ASPRV1: variants seen among roughly 807,000 people sequenced by gnomAD.
ASPRV1 encodes the protein retroviral-like aspartic protease 1.
In ASPRV1, 7 loss-of-function variants were observed where a neutral mutation model predicts 11.0. The ratio of observed to expected loss-of-function variants is 0.64; its 90% CI spans 0.36 to 1.20. The LOEUF (loss-of-function observed/expected upper bound fraction) is 1.20. ASPRV1 is among the 50% of genes most tolerant of loss of function. The probability of loss-of-function intolerance (pLI) is 0.02; values close to 1 mark genes in which losing one functional copy is unlikely to be tolerated. For missense variants in ASPRV1, 299 were observed against 320.0 expected, an observed-to-expected ratio of 0.93 and a Z score of 0.50; for synonymous variants, 136 against 138.4, an observed-to-expected ratio of 0.98 and a Z score of 0.12.
At chr2:70,059,290 T>G in the ASPRV1 span, among the ~76,000 whole-genome samples, 1 of 151,682 alleles carries the variant, frequency 6.6e-6, no homozygotes, top group Admixed American at 6.6e-5. Context: ...AATTGAATTT[T>G]TTTTTTAATT....
the ASPRV1 span, chr2:70,031,978 C>T: frequency 6.6e-6 from 1 of 152,154 alleles, no homozygotes; most frequent in Non-Finnish European, 1.5e-5. Context: ...AACAGAAATC[C>T]AGAGTCGTGA....
chr2:69,998,624 G>C, the ASPRV1 span, among the ~76,000 whole-genome samples: 1 of 152,058 alleles, frequency 6.6e-6, no homozygotes, highest in South Asian at 2.1e-4. Context: ...AGCTACTCAG[G>C]AGGCTGAGGC....
the ASPRV1 span, among the ~76,000 whole-genome samples, chr2:69,932,798 A>C: frequency 5.2e-5 from 8 of 152,394 alleles, no homozygotes; most frequent in African/African-American, 1.9e-4. Flanking sequence ...TCATATCTGC[A>C]TATAAACCAA....
chr2:69,967,017 A>G, the ASPRV1 span, among the ~76,000 whole-genome samples: 1 of 152,206 alleles, frequency 6.6e-6, no homozygotes, highest in Admixed American at 6.5e-5. Flanking sequence ...CACCATCCAC[A>G]CACATGTATT....
At position 69,961,191 on chromosome 2, in the gene ASPRV1, C is replaced by T; in HGVS notation, c.246G>A (p.Glu82=). Reference sequence around the variant, plus strand: ...GGACCCCAAAGGCCTTCAGGAGGGCCTCTTTCACAGTCCCATAGTCTCCCT... The same window carrying T: ...GGACCCCAAAGGCCTTCAGGAGGGCTTCTTTCACAGTCCCATAGTCTCCCT... ...QDQGDYGTVK[E]ALLKAFGVPG... Residue 82 remains glutamate, a synonymous_variant, in exon 1 of 1, where the codon GAG becomes GAA. Transcript: ENST00000320256. 6.2e-7 allele frequency: 1 copy of T among 1,613,776 alleles called. No homozygotes were observed. The highest frequency in any genetic ancestry group is 8.5e-7 in the Non-Finnish European group (1 of 1,179,760).
At chr2:69,933,589 C>T in the ASPRV1 span, among the ~76,000 whole-genome samples, 89 of 152,272 alleles carry the variant, frequency 5.8e-4, no homozygotes, top group African/African-American at 2.0e-3. Flanking sequence ...CCTTAGAGCA[C>T]CCTTGGAGAG....
the ASPRV1 span, among the ~76,000 whole-genome samples, chr2:70,005,823 A>AT: frequency 3.5e-4 from 54 of 152,284 alleles, no homozygotes; most frequent in East Asian, 0.01. Flanking sequence ...CTCATTGTTT[A>AT]TAAAAAGCTT....
At chr2:70,029,808 T>TCC in the ASPRV1 span, among the ~76,000 whole-genome samples, 1 of 151,672 alleles carries the variant, frequency 6.6e-6, no homozygotes, top group Non-Finnish European at 1.5e-5. Context: ...CAAGGACCCC[T>TCC]CCCTAGAGGA....
chr2:69,948,083 CAAA>C, the ASPRV1 span, among the ~76,000 whole-genome samples: 1 of 137,970 alleles, frequency 7.2e-6, no homozygotes, highest in Non-Finnish European at 1.6e-5. Context: ...CCCCGTCTCT[CAAA>C]AAAAAAAAAA....
chr2:69,961,684 C>A, upstream of ASPRV1: 1 of 1,537,372 alleles, frequency 6.5e-7, no homozygotes, highest in Non-Finnish European at 8.8e-7. Flanking sequence ...CCCTGGGCTC[C>A]CCATTCTCCT....
chr2:70,045,444 T>C, the ASPRV1 span: 1 of 152,220 alleles, frequency 6.6e-6, no homozygotes, highest in Non-Finnish European at 1.5e-5. Context: ...TCCATCTAAA[T>C]TATCATGTAC....
At chr2:70,074,198 CTAAGCAGGTGT>C in the ASPRV1 span, among the ~76,000 whole-genome samples, 4 of 147,552 alleles carry the variant, frequency 2.7e-5, no homozygotes, top group African/African-American at 5.0e-5. Flanking sequence ...ACTCAAGGAG[CTAAGCAGGTGT>C]TAAGCAGGTG....
chr2:70,070,768 A>C, the ASPRV1 span: 2 of 130,718 alleles, frequency 1.5e-5, no homozygotes, highest in Non-Finnish European at 3.0e-5. Flanking sequence ...TGGGTGACAG[A>C]GTGAGACTCC....
chr2:69,958,127 C>A (rs1677981509), downstream of ASPRV1, among the ~76,000 whole-genome samples: 1 of 152,204 alleles, frequency 6.6e-6, no homozygotes, highest in Non-Finnish European at 1.5e-5. Context: ...TGATACCTGA[C>A]TTCCCAGAGA....
chr2:70,029,814 G>A, the ASPRV1 span, among the ~76,000 whole-genome samples: 2 of 152,104 alleles, frequency 1.3e-5, no homozygotes, highest in Non-Finnish European at 2.9e-5. Context: ...CCCCTCCCTA[G>A]AGGAGGCTGA....
At chr2:70,034,825 T>G in the ASPRV1 span, 1 of 152,114 alleles carries the variant, frequency 6.6e-6, no homozygotes, top group Non-Finnish European at 1.5e-5. Flanking sequence ...CTTCTAATCC[T>G]TACCCAGTCA....
At chr2:70,007,378 G>A in the ASPRV1 span, among the ~76,000 whole-genome samples, 5 of 152,056 alleles carry the variant, frequency 3.3e-5, no homozygotes, top group African/African-American at 7.2e-5. Context: ...AAAATGAGCC[G>A]GGCGTGTTGG....
chr2:69,997,781 T>C, the ASPRV1 span: 1 of 152,346 alleles, frequency 6.6e-6, no homozygotes, highest in East Asian at 1.9e-4. Flanking sequence ...GGGTCAAGCA[T>C]GTGTATTTTT....
At chr2:70,067,983 G>A in the ASPRV1 span, among the ~76,000 whole-genome samples, 852 of 152,266 alleles carry the variant, frequency 5.6e-3, 9 homozygotes, top group Non-Finnish European at 8.8e-3. Context: ...ATCCTCCACT[G>A]GCCTTGAGGT....
Sources: gnomAD v4.1 joint callset for allele counts (sites outside exome capture counted in the v4.1 genomes callset) on GRCh38, gnomAD v4.1.1 for gene constraint, MANE v1.5 for transcripts, NCBI Gene and HGNC (gene_info 2026-07-23, HGNC 2026-07-21) for gene names.